PDE4D: variants seen among roughly 807,000 people sequenced by gnomAD.
The protein encoded by PDE4D is phosphodiesterase 4D.
A neutral mutation model predicts 87.4 loss-of-function variants in PDE4D; 24 were observed. That is an observed-to-expected ratio of 0.27 (90% CI 0.20 to 0.39). The LOEUF is 0.39. Ranked by LOEUF, PDE4D falls within the 10% of genes least tolerant of loss-of-function variation. The pLI is 1.00. For synonymous variants in PDE4D, 384 were observed against 383.2 expected (o/e 1.00, Z -0.02); for missense variants, 714 against 1,041.0 (o/e 0.69, Z 4.32).
At chr5:60,422,503 T>C (rs996167210) in intron 1 of PDE4D, among the ~76,000 whole-genome samples, 11 of 152,194 alleles carry the variant, frequency 7.2e-5, no homozygotes, top group Non-Finnish European at 1.0e-4. Flanking sequence ...CTGAGAGATT[T>C]TGTCACCACA....
At chr5:60,052,805 C>T (rs1770336202) in intron 2 of PDE4D, among the ~76,000 whole-genome samples, 2 of 152,024 alleles carry the variant, frequency 1.3e-5, no homozygotes, top group Admixed American at 1.3e-4. Flanking sequence ...GTCTCAGGCC[C>T]AAATCTCCTT....
At chr5:59,373,072 G>A (rs1022873955) in intron 1 of PDE4D, among the ~76,000 whole-genome samples, 2 of 150,908 alleles carry the variant, frequency 1.3e-5, no homozygotes, top group South Asian at 2.1e-4. Context: ...AGTCCACAAA[G>A]ATGAGAAAGA....
intron 1 of PDE4D, among the ~76,000 whole-genome samples, chr5:59,570,928 T>C (rs1481289821): frequency 6.6e-6 from 1 of 152,132 alleles, no homozygotes; most frequent in Non-Finnish European, 1.5e-5. Flanking sequence ...GCAAAAGAAA[T>C]ACATTAAATA....
At chr5:60,416,180 A>G (rs1325512973) in intron 1 of PDE4D, among the ~76,000 whole-genome samples, 1 of 152,174 alleles carries the variant, frequency 6.6e-6, no homozygotes, top group Non-Finnish European at 1.5e-5. Context: ...AAATGCACCA[A>G]TCAGCACACT....
At chr5:59,941,859 C>A (rs1447510948) in intron 3 of PDE4D, among the ~76,000 whole-genome samples, 1 of 152,190 alleles carries the variant, frequency 6.6e-6, no homozygotes, top group Non-Finnish European at 1.5e-5. Flanking sequence ...CCTAAGGTAT[C>A]CCCTCCATTC....
intron 1 of PDE4D, among the ~76,000 whole-genome samples, chr5:59,339,245 G>A (rs976486358): frequency 3.3e-5 from 5 of 152,116 alleles, no homozygotes; most frequent in African/African-American, 1.2e-4. Flanking sequence ...TTTTTCTGAT[G>A]TAGCAAAAAG....
chr5:59,387,975 C>T (rs1165851110), intron 1 of PDE4D, among the ~76,000 whole-genome samples: 1 of 152,040 alleles, frequency 6.6e-6, no homozygotes, highest in Non-Finnish European at 1.5e-5. Context: ...CCCTGGTTAA[C>T]AACCATTTTA....
intron 1 of PDE4D, among the ~76,000 whole-genome samples, chr5:59,330,214 A>G (rs1463384128): frequency 6.6e-6 from 1 of 152,190 alleles, no homozygotes; most frequent in African/African-American, 2.4e-5. Context: ...AGGGAACACA[A>G]TCTTGGATTT....
intron 1 of PDE4D, among the ~76,000 whole-genome samples, chr5:59,641,391 C>T (rs531833910): frequency 2.0e-5 from 3 of 152,312 alleles, no homozygotes; most frequent in Non-Finnish European, 4.4e-5. Context: ...CCCACACTGC[C>T]GACTTCCCGT....
intron 2 of PDE4D, among the ~76,000 whole-genome samples, chr5:59,196,390 C>T (rs746159523): frequency 2.6e-5 from 4 of 152,084 alleles, no homozygotes; most frequent in South Asian, 4.1e-4. Flanking sequence ...GGAAAATGGC[C>T]CAATAAATGC....
intron 1 of PDE4D, among the ~76,000 whole-genome samples, chr5:59,801,145 A>G (rs1432485439): frequency 3.9e-5 from 6 of 152,206 alleles, no homozygotes; most frequent in Admixed American, 6.5e-5. Flanking sequence ...ACATTGAATC[A>G]AAGACGAGAC....
At chr5:59,189,253 G>GTTTTTTTTTTT (rs5868167) in intron 3 of PDE4D, among the ~76,000 whole-genome samples, 93 of 120,774 alleles carry the variant, frequency 7.7e-4, no homozygotes, top group South Asian at 1.1e-3. Context: ...TGTTTTTTTT[G>GTTTTTTTTTTT]TTTTTTTTTT....
intron 11 of PDE4D, among the ~76,000 whole-genome samples, chr5:58,979,241 G>A (rs944637329): frequency 1.3e-5 from 2 of 152,154 alleles, no homozygotes; most frequent in Non-Finnish European, 1.5e-5. Context: ...AGATGTCCAA[G>A]AATACTGGCA....
chr5:60,429,784 A>C (rs542735612), intron 1 of PDE4D: 1 of 300,976 alleles, frequency 3.3e-6, no homozygotes, highest in African/African-American at 2.2e-5. Context: ...GCATATGTTG[A>C]AATCAGTCTT....
At chr5:59,019,510 C>T (rs532890218) in intron 6 of PDE4D, among the ~76,000 whole-genome samples, 1 of 152,162 alleles carries the variant, frequency 6.6e-6, no homozygotes, top group Non-Finnish European at 1.5e-5. Context: ...ACACCTGCCA[C>T]TGGTCCTATA....
At chr5:60,467,638 GT>G (rs1253669989) in intron 1 of PDE4D, among the ~76,000 whole-genome samples, 1 of 152,128 alleles carries the variant, frequency 6.6e-6, no homozygotes, top group South Asian at 2.1e-4. Context: ...CTATTAGTCC[GT>G]TTTCACACTG....
chr5:59,424,422 C>T (rs181213265), intron 1 of PDE4D, among the ~76,000 whole-genome samples: 264 of 152,204 alleles, frequency 1.7e-3, no homozygotes, highest in African/African-American at 6.1e-3. Flanking sequence ...TCTCATGCTG[C>T]TATGAAAAAT....
At chr5:60,393,416 T>C (rs1268558628) in intron 1 of PDE4D, among the ~76,000 whole-genome samples, 1 of 152,114 alleles carries the variant, frequency 6.6e-6, no homozygotes, top group Non-Finnish European at 1.5e-5. Flanking sequence ...TCTTTTTTCC[T>C]TTTTTTCCCC....
intron 1 of PDE4D, among the ~76,000 whole-genome samples, chr5:59,850,323 T>C (rs1201676353): frequency 1.3e-5 from 2 of 152,046 alleles, no homozygotes; most frequent in Admixed American, 6.6e-5. Context: ...ACCTCCAAAC[T>C]TTTCTTGAGT....
Sources: gnomAD v4.1 joint callset for allele counts (sites outside exome capture counted in the v4.1 genomes callset) on GRCh38, gnomAD v4.1.1 for gene constraint, MANE v1.5 for transcripts, NCBI Gene and HGNC (gene_info 2026-07-23, HGNC 2026-07-21) for gene names.